The following DLGAP2 variants were observed in gnomAD, a reference collection of about 807,000 sequenced individuals.
The protein encoded by DLGAP2 is disks large-associated protein 2.
In DLGAP2, 26 loss-of-function variants were observed where a neutral mutation model predicts 100.3. The ratio of observed to expected loss-of-function variants is 0.26; its 90% confidence interval spans 0.19 to 0.36. The LOEUF (loss-of-function observed/expected upper bound fraction) is 0.36, where lower values mean the gene tolerates loss of function less well. DLGAP2 is among the 10% of genes least tolerant of loss of function. The pLI, the probability that DLGAP2 is intolerant of heterozygous loss-of-function variation, is 1.00. For missense variants in DLGAP2, 1,858 were observed against 1,453.2 expected (o/e 1.28, Z -4.53); for synonymous variants, 886 against 630.1 (o/e 1.41, Z -6.08).
At chr8:952,076 GT>G (rs1028602458) in intron 2 of DLGAP2, among the ~76,000 whole-genome samples, 20 of 152,302 alleles carry the variant, frequency 1.3e-4, no homozygotes, top group Admixed American at 7.8e-4. Flanking sequence ...TTTTGGTTGA[GT>G]TTTCTAGTTC....
chr8:1,214,476 A>C (rs867782608), intron 2 of DLGAP2, among the ~76,000 whole-genome samples: 40 of 152,178 alleles, frequency 2.6e-4, no homozygotes, highest in African/African-American at 9.2e-4. Context: ...TATTACCACC[A>C]CTTTACGTAG....
chr8:1,499,780 A>G (rs1799654984), intron 3 of DLGAP2, among the ~76,000 whole-genome samples: 1 of 152,202 alleles, frequency 6.6e-6, no homozygotes, highest in South Asian at 2.1e-4. Flanking sequence ...TTTACCTGAG[A>G]GGCGACCGTA....
rs942903130 is a variant in DLGAP2, at chr8:1,391,134, G to C, written c.107-110232G>C. Among the ~76,000 whole-genome samples, 3 of 152,242 alleles carry C rather than the reference G, an allele frequency of 2.0e-5. No homozygotes were observed. In the South Asian group the frequency reaches 6.2e-4, roughly 31 times the overall value. On this transcript the variant is annotated intron_variant, in intron 3 of 14. Transcript: ENST00000637795. ...AGGAAGAAGCTTTGGAGGCAGAAATGTCTGGGGATAATGAGACCCCGGTTG... is the reference window on the plus strand; with the variant it reads ...AGGAAGAAGCTTTGGAGGCAGAAATCTCTGGGGATAATGAGACCCCGGTTG...
chr8:865,615 C>T (rs1208022441), intron 1 of DLGAP2, among the ~76,000 whole-genome samples: 4 of 152,300 alleles, frequency 2.6e-5, no homozygotes, highest in Middle Eastern at 3.4e-3. Flanking sequence ...TATGCACTTC[C>T]GTGGCATTTA....
At chr8:1,546,167 C>T (rs957030506) in intron 4 of DLGAP2, among the ~76,000 whole-genome samples, 2 of 152,200 alleles carry the variant, frequency 1.3e-5, no homozygotes, top group African/African-American at 2.4e-5. Context: ...AAGACGCCGC[C>T]GGCCATTACA....
intron 2 of DLGAP2, among the ~76,000 whole-genome samples, chr8:1,151,253 T>C (rs1026646791): frequency 4.6e-5 from 7 of 152,196 alleles, no homozygotes; most frequent in African/African-American, 1.7e-4. Flanking sequence ...GATAGATTCA[T>C]AGGAGAAAAG....
intron 1 of DLGAP2, among the ~76,000 whole-genome samples, chr8:896,346 G>T (rs1476217943): frequency 1.3e-5 from 2 of 151,634 alleles, no homozygotes; most frequent in African/African-American, 2.4e-5. Flanking sequence ...CCTGGCCGGG[G>T]AGTGGAATGG....
At chr8:858,232 C>G (rs1304597763) in intron 1 of DLGAP2, among the ~76,000 whole-genome samples, 1 of 152,226 alleles carries the variant, frequency 6.6e-6, no homozygotes, top group African/African-American at 2.4e-5. Context: ...ACTGGCCTAT[C>G]TGGACAAGAA....
chr8:1,049,932 A>G (rs1802626821), intron 2 of DLGAP2, among the ~76,000 whole-genome samples: 1 of 152,218 alleles, frequency 6.6e-6, no homozygotes, highest in South Asian at 2.1e-4. Flanking sequence ...GCATATGTAC[A>G]CACGTGGATA....
intron 1 of DLGAP2, among the ~76,000 whole-genome samples, chr8:789,971 G>A (rs1425454569): frequency 6.6e-6 from 1 of 152,224 alleles, no homozygotes; most frequent in Non-Finnish European, 1.5e-5. Context: ...CCTGTGGAAA[G>A]TGGGGAGATG....
At chr8:1,478,347 G>C (rs1039441501) in intron 3 of DLGAP2, among the ~76,000 whole-genome samples, 2 of 152,174 alleles carry the variant, frequency 1.3e-5, no homozygotes, top group African/African-American at 4.8e-5. Context: ...GCACCCCTCA[G>C]CTCATGTGAG....
chr8:1,502,116 C>G (rs1039875910), intron 4 of DLGAP2, among the ~76,000 whole-genome samples: 1 of 152,200 alleles, frequency 6.6e-6, no homozygotes, highest in African/African-American at 2.4e-5. Context: ...CAGCTGAAGA[C>G]GGAAGCCCCA....
chr8:1,180,134 G>A (rs1037962136), intron 2 of DLGAP2, among the ~76,000 whole-genome samples: 3 of 152,220 alleles, frequency 2.0e-5, no homozygotes, highest in Non-Finnish European at 4.4e-5. Context: ...TCACAGTGAC[G>A]TGAACTTCCT....
intron 7 of DLGAP2, among the ~76,000 whole-genome samples, chr8:1,630,352 C>A (rs1272852104): frequency 6.6e-6 from 1 of 152,118 alleles, no homozygotes; most frequent in South Asian, 2.1e-4. Context: ...TCTGGAATTA[C>A]TAACACTTAG....
chr8:879,290 C>T (rs991110646), intron 1 of DLGAP2, among the ~76,000 whole-genome samples: 1 of 152,190 alleles, frequency 6.6e-6, no homozygotes, highest in African/African-American at 2.4e-5. Flanking sequence ...TTTGTGAAGA[C>T]CATTCCCCGG....
chr8:1,280,974 G>T (rs1448633258), intron 3 of DLGAP2, among the ~76,000 whole-genome samples: 2 of 152,194 alleles, frequency 1.3e-5, no homozygotes, highest in African/African-American at 4.8e-5. Context: ...AGCTGGATGT[G>T]GACGAGGAAT....
intron 1 of DLGAP2, among the ~76,000 whole-genome samples, chr8:892,164 G>C (rs1798048161): frequency 6.6e-6 from 1 of 152,180 alleles, no homozygotes; most frequent in Non-Finnish European, 1.5e-5. Flanking sequence ...AAAAACTCGA[G>C]ACGGAACCAC....
chr8:871,632 G>A (rs1010873368), intron 1 of DLGAP2, among the ~76,000 whole-genome samples: 2 of 152,142 alleles, frequency 1.3e-5, no homozygotes, highest in Non-Finnish European at 2.9e-5. Flanking sequence ...GCTCATTGGA[G>A]CATTTCGGAT....
chr8:817,270 T>C (rs1380073296), intron 1 of DLGAP2, among the ~76,000 whole-genome samples: 1 of 152,226 alleles, frequency 6.6e-6, no homozygotes, highest in African/African-American at 2.4e-5. Context: ...GACTTTCCAG[T>C]GCATTTTGCA....
Sources: gnomAD v4.1 joint callset for allele counts (sites outside exome capture counted in the v4.1 genomes callset) on GRCh38, gnomAD v4.1.1 for gene constraint, MANE v1.5 for transcripts, NCBI Gene and HGNC (gene_info 2026-07-23, HGNC 2026-07-21) for gene names.